RBMS3: variants seen among roughly 807,000 people sequenced by gnomAD.
RBMS3 encodes the protein RNA-binding motif, single-stranded-interacting protein 3.
In RBMS3, 27 loss-of-function variants were observed where a neutral mutation model predicts 66.8. The ratio of observed to expected loss-of-function variants is 0.40; its 90% CI spans 0.30 to 0.56. The LOEUF is 0.56. Among genes scored for constraint, RBMS3 ranks in the 20% least tolerant of loss-of-function variants. RBMS3 has a pLI of 0.40. For synonymous variants in RBMS3, 188 were observed against 183.0 expected (o/e 1.03, Z -0.22); for missense variants, 513 against 549.5 (o/e 0.93, Z 0.66).
intron 3 of RBMS3, among the ~76,000 whole-genome samples, chr3:29,501,791 GA>G (rs754406858): frequency 5.9e-5 from 9 of 152,064 alleles, no homozygotes; most frequent in Non-Finnish European, 1.2e-4. Context: ...AAAAAGAGGG[GA>G]AAGTCAATCC....
rs71295051 is a variant in RBMS3, at chr3:29,796,712, C to CTTTTTTTTTTTTTTTTTTTTT, written c.637+33740_637+33741insTTTTTTTTTTTTTTTTTTTTT. Among the ~76,000 whole-genome samples, 15 of 115,286 alleles carry CTTTTTTTTTTTTTTTTTTTTT rather than the reference C, an allele frequency of 1.3e-4. 3 individuals are homozygous for CTTTTTTTTTTTTTTTTTTTTT. The highest frequency in any genetic ancestry group is 4.8e-4 in the African/African-American group (13 of 27,122). 75.6% of individuals were successfully genotyped at this position (115,286 alleles called of 152,430 possible). On this transcript the variant is annotated intron_variant, in intron 6 of 14. Coordinates refer to ENST00000383767, the MANE Select transcript of RBMS3 (RefSeq NM_001003793.3). ...TGAGAAGTAATATTTTGAAAGGAAT[C>CTTTTTTTTTTTTTTTTTTTTT]TTTTTTTTTTTTTTTTTGGAGATGG...
intron 4 of RBMS3, among the ~76,000 whole-genome samples, chr3:29,707,863 C>T (rs755101310): frequency 1.1e-4 from 16 of 152,122 alleles, no homozygotes; most frequent in Non-Finnish European, 1.9e-4. Flanking sequence ...CTACAAAATA[C>T]GGAGCAGCTT....
intron 4 of RBMS3, among the ~76,000 whole-genome samples, chr3:29,683,166 G>A (rs770191989): frequency 6.6e-6 from 1 of 152,122 alleles, no homozygotes; most frequent in Non-Finnish European, 1.5e-5. Flanking sequence ...CCATTTGTTT[G>A]GTTCCTCATA....
intron 4 of RBMS3, among the ~76,000 whole-genome samples, chr3:29,637,978 C>G (rs946398682): frequency 6.6e-6 from 1 of 151,864 alleles, no homozygotes; most frequent in Non-Finnish European, 1.5e-5. Flanking sequence ...CTATTCATCT[C>G]CTTTGAACAT....
intron 3 of RBMS3, among the ~76,000 whole-genome samples, chr3:29,534,903 A>G (rs1474249452): frequency 6.6e-6 from 1 of 152,146 alleles, no homozygotes; most frequent in Non-Finnish European, 1.5e-5. Context: ...TATTGATTAA[A>G]TGGAGTAATT....
intron 4 of RBMS3, among the ~76,000 whole-genome samples, chr3:29,623,010 G>C (rs1386634085): frequency 6.6e-6 from 1 of 151,478 alleles, no homozygotes; most frequent in African/African-American, 2.4e-5. Flanking sequence ...CCAGCTACTA[G>C]GGAGGCTGAG....
intron 1 of RBMS3, among the ~76,000 whole-genome samples, chr3:29,320,045 GTC>G (rs1283075029): frequency 6.6e-6 from 1 of 151,982 alleles, no homozygotes; most frequent in East Asian, 1.9e-4. Flanking sequence ...CAGGGATTTA[GTC>G]TCTGCCATGT....
chr3:29,914,400 T>G (rs1297187885), intron 10 of RBMS3, among the ~76,000 whole-genome samples: 1 of 151,894 alleles, frequency 6.6e-6, no homozygotes, highest in Non-Finnish European at 1.5e-5. Flanking sequence ...AGAAGGGTAG[T>G]AATAAACTTA....
At chr3:29,753,480 A>T (rs1189227638) in intron 5 of RBMS3, among the ~76,000 whole-genome samples, 1 of 152,112 alleles carries the variant, frequency 6.6e-6, no homozygotes, top group African/African-American at 2.4e-5. Flanking sequence ...AAGTGTTCAA[A>T]CCTGTCTTTC....
chr3:29,438,346 A>G (rs900703230), intron 2 of RBMS3, among the ~76,000 whole-genome samples: 10 of 152,176 alleles, frequency 6.6e-5, no homozygotes, highest in Non-Finnish European at 1.5e-4. Flanking sequence ...ACAAAACAGC[A>G]TATTGTCTTT....
At chr3:29,740,597 C>T (rs1028325086) in intron 5 of RBMS3, among the ~76,000 whole-genome samples, 1 of 152,078 alleles carries the variant, frequency 6.6e-6, no homozygotes. Context: ...CTAAAGAGAC[C>T]ACAGAGTAAA....
intron 6 of RBMS3, among the ~76,000 whole-genome samples, chr3:29,796,712 C>CTTTTTTTTTTTTTTTTTTTTTTTTTTTT (rs71295051): frequency 8.7e-6 from 1 of 115,288 alleles, no homozygotes; most frequent in African/African-American, 3.7e-5. Context: ...TGAAAGGAAT[C>CTTTTTTTTTTTTTTTTTTTTTTTTTTTT]TTTTTTTTTT....
chr3:29,546,583 T>C (rs376383759), intron 3 of RBMS3, among the ~76,000 whole-genome samples: 2 of 152,204 alleles, frequency 1.3e-5, no homozygotes, highest in African/African-American at 4.8e-5. Flanking sequence ...TTATTACAGT[T>C]CTGGAAGAAA....
chr3:30,002,881 C>T (rs926440258), intron 14 of RBMS3, among the ~76,000 whole-genome samples: 2 of 151,900 alleles, frequency 1.3e-5, no homozygotes, highest in African/African-American at 4.8e-5. Context: ...GGGGAGCAGA[C>T]GATGGGCTGA....
At chr3:29,653,361 T>C (rs910212818) in intron 4 of RBMS3, among the ~76,000 whole-genome samples, 1 of 152,266 alleles carries the variant, frequency 6.6e-6, no homozygotes, top group African/African-American at 2.4e-5. Flanking sequence ...GTAAGTTAGA[T>C]CTACTCTTAC....
intron 3 of RBMS3, among the ~76,000 whole-genome samples, chr3:29,566,664 AAG>A (rs983761052): frequency 7.9e-5 from 12 of 151,832 alleles, no homozygotes; most frequent in African/African-American, 2.9e-4. Context: ...ATTAGGGAAA[AAG>A]AGTATACATT....
At chr3:29,411,249 G>T (rs2040254053) in intron 1 of RBMS3, among the ~76,000 whole-genome samples, 1 of 152,150 alleles carries the variant, frequency 6.6e-6, no homozygotes, top group South Asian at 2.1e-4. Flanking sequence ...TGGCATAAAA[G>T]TAATGGTAAT....
At chr3:29,610,661 C>T (rs1487160060) in intron 4 of RBMS3, among the ~76,000 whole-genome samples, 1 of 151,988 alleles carries the variant, frequency 6.6e-6, no homozygotes, top group African/African-American at 2.4e-5. Flanking sequence ...CAGAAAGATA[C>T]ATAGTAGATT....
chr3:29,676,647 C>T (rs568555290), intron 4 of RBMS3, among the ~76,000 whole-genome samples: 82 of 152,206 alleles, frequency 5.4e-4, no homozygotes, highest in Non-Finnish European at 1.0e-3. Context: ...CTGTGCAATC[C>T]TTAAATTCTC....
Sources: gnomAD v4.1 joint callset for allele counts (sites outside exome capture counted in the v4.1 genomes callset) on GRCh38, gnomAD v4.1.1 for gene constraint, MANE v1.5 for transcripts, NCBI Gene and HGNC (gene_info 2026-07-23, HGNC 2026-07-21) for gene names.